KCNN3: variants seen among roughly 807,000 people sequenced by gnomAD.
KCNN3 encodes potassium calcium-activated channel subfamily N member 3.
A neutral mutation model predicts 62.9 loss-of-function variants in KCNN3; 16 were observed. The ratio of observed to expected loss-of-function variants is 0.25; its 90% CI spans 0.17 to 0.39. The LOEUF (loss-of-function observed/expected upper bound fraction) is 0.39, where lower values mean the gene tolerates loss of function less well. KCNN3 is among the 10% of genes least tolerant of loss of function. The pLI, the probability that KCNN3 is intolerant of heterozygous loss-of-function variation, is 1.00. For missense variants in KCNN3, 599 were observed against 949.4 expected (o/e 0.63, Z 4.85); for synonymous variants, 370 against 389.2 (o/e 0.95, Z 0.58).
At position 154,744,910 on chromosome 1, in the gene KCNN3, G is replaced by A. The variant is rs562532636; in HGVS notation, c.1449-11766C>T. 7.0e-4 allele frequency among the ~76,000 whole-genome samples: 98 copies of A among 139,154 alleles called. 1 individual carries two copies. The highest frequency in any genetic ancestry group is 2.5e-3 in the African/African-American group (91 of 36,576). The allele number at this position is 139,154 out of a possible 152,430, so 91.3% of individuals were successfully genotyped here. A position where few individuals can be genotyped will look rare whatever the true frequency, so the allele number is the denominator to read the frequency against. The stretch of plus-strand genomic sequence containing the variant: ...GCTATTACTGCTTGTGCCAGTGGGT[G>A]AATTCACATTAAGGCAAAAAAAAAA... On this transcript the variant is annotated intron_variant, in intron 3 of 7. Transcript: ENST00000271915.
intron 2 of KCNN3, among the ~76,000 whole-genome samples, chr1:154,778,705 G>A (rs929144865): frequency 6.4e-5 from 9 of 141,638 alleles, no homozygotes; most frequent in African/African-American, 1.3e-4. Context: ...GGGTTCAAGC[G>A]ATTCTCCTGC....
chr1:154,815,262 C>T (rs1309198114), intron 2 of KCNN3, among the ~76,000 whole-genome samples: 1 of 152,208 alleles, frequency 6.6e-6, no homozygotes, highest in Non-Finnish European at 1.5e-5. Context: ...GGGACTCTAG[C>T]CCCTACCTGG....
intron 3 of KCNN3, among the ~76,000 whole-genome samples, chr1:154,739,767 C>G (rs1049973803): frequency 6.6e-6 from 1 of 152,258 alleles, no homozygotes. Context: ...GGATCACTCT[C>G]CCTGGGAGAA....
chr1:154,777,337 G>A (rs938946976), intron 2 of KCNN3, among the ~76,000 whole-genome samples: 2 of 152,304 alleles, frequency 1.3e-5, no homozygotes, highest in Middle Eastern at 6.8e-3. Flanking sequence ...CTGGCACAGA[G>A]TGGGCAGTCA....
chr1:154,828,357 T>A lies in KCNN3; in HGVS notation c.934-6173A>T, dbSNP rs547416683. Among the ~76,000 whole-genome samples the A allele has an allele frequency of 1.3e-5, 2 of 152,034 alleles. 1 individual carries two copies. The highest frequency in any genetic ancestry group is 1.3e-4 in the Admixed American group (2 of 15,290). On this transcript the variant is annotated intron_variant, in intron 1 of 7. Coordinates refer to ENST00000271915, the MANE Select transcript of KCNN3 (RefSeq NM_002249.6). Reference sequence around the variant, plus strand: ...CAACACTCATTCCTTTTTTTTTTTTTCTTAGGAGTTTTCTTTTCCCAGGCA... The same window carrying A: ...CAACACTCATTCCTTTTTTTTTTTTACTTAGGAGTTTTCTTTTCCCAGGCA...
At chr1:154,821,510 C>G (rs767924008) in intron 2 of KCNN3, among the ~76,000 whole-genome samples, 27 of 152,214 alleles carry the variant, frequency 1.8e-4, no homozygotes, top group Admixed American at 6.5e-4. Context: ...CAATGTTTCT[C>G]TGGGTACCAA....
intron 3 of KCNN3, among the ~76,000 whole-genome samples, chr1:154,770,787 T>A (rs1648518018): frequency 6.6e-6 from 1 of 152,182 alleles, no homozygotes; most frequent in Non-Finnish European, 1.5e-5. Context: ...CTGGGTGCAG[T>A]GGCTCACGCC....
At position 154,714,321 on chromosome 1, in the gene KCNN3, T is replaced by TGTGTGTGGG. The variant is rs1213164472; in HGVS notation, c.1829+554_1829+555insCCCACACAC. On this transcript the variant is annotated intron_variant, in intron 6 of 7. Transcript: ENST00000271915. ...TGGTGTGTGTGTGGTTTGTGTGAGG[T>TGTGTGTGGG]GTGTGTGTGTGGTGTTTGTGTGTGG... Among the ~76,000 whole-genome samples, 27 of 92,290 alleles carry TGTGTGTGGG rather than the reference T, an allele frequency of 2.9e-4. No individual in the cohort carries two copies. In the South Asian group the frequency reaches 4.9e-3, roughly 17 times the overall value. The allele number at this position is 92,290 out of a possible 152,430, so 60.5% of individuals were successfully genotyped here.
rs944979792 is a variant in KCNN3 at position 154,700,422 on chromosome 1, T to C, written c.*7554A>G. The C allele has an allele frequency of 1.3e-5, 2 of 152,232 alleles. No homozygotes were observed. Among genetic ancestry groups the C allele is most frequent in the African/African-American group, 4.8e-5 (2 of 41,462 alleles). 9.4% of individuals were successfully genotyped at this position (152,232 alleles called of 1,614,324 possible). The stretch of plus-strand genomic sequence containing the variant: ...GATGAATTTGCATTTGTTTCCTTGA[T>C]TCTAGATGGAATACAACTTTGAGGG... On this transcript the variant is annotated 3_prime_UTR_variant, in exon 8 of 8. Transcript: ENST00000271915.
chr1:154,748,670 G>A (rs1354538903), intron 3 of KCNN3, among the ~76,000 whole-genome samples: 1 of 152,174 alleles, frequency 6.6e-6, no homozygotes, highest in East Asian at 1.9e-4. Context: ...TTACTGAATT[G>A]GAAAATTAGA....
At chr1:154,868,106 C>T (rs1571352747) in intron 1 of KCNN3, 1 of 985,448 alleles carries the variant, frequency 1.0e-6, no homozygotes, top group Non-Finnish European at 1.2e-6. Flanking sequence ...TTTATTTATC[C>T]CAAGGAGGAG....
intron 2 of KCNN3, among the ~76,000 whole-genome samples, chr1:154,817,439 CG>C (rs1650714041): frequency 6.6e-6 from 1 of 152,186 alleles, no homozygotes; most frequent in South Asian, 2.1e-4. Flanking sequence ...CTGGGTTAAT[CG>C]GAAGTCAATA....
chr1:154,835,291 A>T (rs2101905963), intron 1 of KCNN3, among the ~76,000 whole-genome samples: 1 of 152,324 alleles, frequency 6.6e-6, no homozygotes, highest in East Asian at 1.9e-4. Flanking sequence ...TATGAATGGT[A>T]ATCATTAATA....
rs573563445 is a variant in KCNN3 at position 154,834,664 on chromosome 1, G to C, written c.934-12480C>G. Reference sequence around the variant, plus strand: ...TTACTGAGTACCTGTTATATGACAGGCTCTGAGTCTACCCATCCATCTTCA... The same window carrying C: ...TTACTGAGTACCTGTTATATGACAGCCTCTGAGTCTACCCATCCATCTTCA... On this transcript the variant is annotated intron_variant, in intron 1 of 7. Coordinates refer to ENST00000271915, the MANE Select transcript of KCNN3 (RefSeq NM_002249.6). 2.0e-5 allele frequency among the ~76,000 whole-genome samples: 3 copies of C among 152,256 alleles called. No homozygotes were observed. In the South Asian group the frequency reaches 6.2e-4, roughly 32 times the overall value.
intron 3 of KCNN3, among the ~76,000 whole-genome samples, chr1:154,757,679 G>A (rs1647792476): frequency 6.6e-6 from 1 of 152,154 alleles, no homozygotes; most frequent in Non-Finnish European, 1.5e-5. Context: ...CCTAACACTT[G>A]GGGCACTATG....
chr1:154,811,746 G>A (rs1184891000), intron 2 of KCNN3, among the ~76,000 whole-genome samples: 1 of 152,162 alleles, frequency 6.6e-6, no homozygotes, highest in East Asian at 1.9e-4. Flanking sequence ...CATTTTACTA[G>A]ATTTGTACTC....
chr1:154,854,150 G>A lies in KCNN3; in HGVS notation c.933+14882C>T, dbSNP rs112365895. Among the ~76,000 whole-genome samples the A allele has an allele frequency of 3.8e-3, 577 of 151,472 alleles. 3 individuals carry two copies. The highest frequency in any genetic ancestry group is 0.017 in the Middle Eastern group (5 of 290). ...CTCGGGAGGCTGAGGCAGGAGGATAGCGTGAACCCGGGAGGCGGAGCTTGC... is the reference window on the plus strand; with the variant it reads ...CTCGGGAGGCTGAGGCAGGAGGATAACGTGAACCCGGGAGGCGGAGCTTGC... On this transcript the variant is annotated intron_variant, in intron 1 of 7. Transcript: ENST00000271915.
intron 3 of KCNN3, among the ~76,000 whole-genome samples, chr1:154,752,288 A>G (rs766462406): frequency 3.5e-5 from 3 of 86,844 alleles, no homozygotes; most frequent in Non-Finnish European, 7.8e-5. Context: ...TATCCTCTAA[A>G]ACGAAGATCT....
chr1:154,764,814 A>G (rs1344011004), intron 3 of KCNN3, among the ~76,000 whole-genome samples: 2 of 152,198 alleles, frequency 1.3e-5, no homozygotes, highest in Non-Finnish European at 2.9e-5. Context: ...TCTTGATTTC[A>G]TGTTTGCCTG....
Sources: allele counts gnomAD v4.1 joint callset (sites outside exome capture counted in the v4.1 genomes callset), GRCh38; gene constraint gnomAD v4.1.1; transcripts MANE v1.5; gene names NCBI Gene and HGNC (gene_info 2026-07-23, HGNC 2026-07-21).